The following ATM variants were observed in gnomAD, a reference collection of about 807,000 sequenced individuals.
ATM encodes the protein serine-protein kinase ATM.
ATM carries 308 observed loss-of-function variants against 387.0 expected under a neutral mutation model. The ratio of observed to expected loss-of-function variants is 0.80; its 90% confidence interval spans 0.73 to 0.87. ATM has a LOEUF of 0.87. ATM is among the 40% of genes least tolerant of loss of function. ATM has a pLI of 0.00. For missense variants in ATM, 3,312 were observed against 3,560.9 expected, an observed-to-expected ratio of 0.93 and a Z score of 1.78; for synonymous variants, 1,156 against 1,187.3, an observed-to-expected ratio of 0.97 and a Z score of 0.54.
At chr11:108,332,410 C>T (rs1315358158) in intron 52 of ATM, among the ~76,000 whole-genome samples, 2 of 152,090 alleles carry the variant, frequency 1.3e-5, no homozygotes, top group East Asian at 3.9e-4. Context: ...CCAGCCTGGG[C>T]AACAAGAGCG....
chr11:108,249,416 A>T (rs909917591), intron 9 of ATM, among the ~76,000 whole-genome samples: 3 of 152,218 alleles, frequency 2.0e-5, no homozygotes, highest in Non-Finnish European at 2.9e-5. Flanking sequence ...ACGCTTCAAC[A>T]ATAGATTTTA....
At chr11:108,305,723 T>C (rs1172166990) in intron 37 of ATM, among the ~76,000 whole-genome samples, 1 of 152,236 alleles carries the variant, frequency 6.6e-6, no homozygotes, top group Non-Finnish European at 1.5e-5. Context: ...TGGGTATTTC[T>C]CATGCCAAGA....
intron 8 of ATM, among the ~76,000 whole-genome samples, chr11:108,248,321 C>A (rs694376): frequency 0.61 from 92,839 of 151,840 alleles, 28,634 homozygotes; most frequent in Middle Eastern, 0.79. Context: ...AATTTAAAAA[C>A]TTGAATCCCT....
intron 20 of ATM, among the ~76,000 whole-genome samples, chr11:108,272,127 G>A (rs1293880025): frequency 6.6e-6 from 1 of 152,076 alleles, no homozygotes; most frequent in Non-Finnish European, 1.5e-5. Context: ...TGCCCACCTT[G>A]GCCTCCCAAA....
chr11:108,325,340 A>G lies in ATM; in HGVS notation c.6603A>G (p.Val2201=), dbSNP rs863224297. 1.2e-6 allele frequency: 2 copies of G among 1,608,672 alleles called. No homozygotes were observed. The highest frequency in any genetic ancestry group is 1.7e-6 in the Non-Finnish European group (2 of 1,178,460). Residue 2201 remains valine (V), a synonymous_variant, in exon 46 of 63, where the codon GTA becomes GTG. Coordinates refer to ENST00000675843, the MANE Select transcript of ATM (RefSeq NM_000051.4). The part of the protein sequence containing the change: ...RSVTHRQLSE[V]YIKWQKHSQL... ...TCACACATAGACAACTCTCTGAAGT[A>G]TATATTAAGTGGCAGAAACACTCCC...
chr11:108,287,220 A>G (rs574228961), intron 26 of ATM: 2 of 160,104 alleles, frequency 1.2e-5, no homozygotes, highest in Admixed American at 1.3e-4. Flanking sequence ...CAGAATTCCC[A>G]AATAAAGTCA....
chr11:108,324,973 G>C (rs1298131643), intron 45 of ATM, among the ~76,000 whole-genome samples: 1 of 152,134 alleles, frequency 6.6e-6, no homozygotes, highest in Non-Finnish European at 1.5e-5. Flanking sequence ...TAAAGATGGA[G>C]GCATTCTTTA....
chr11:108,286,308 G>A (rs1342568748), intron 26 of ATM, among the ~76,000 whole-genome samples: 4 of 68,692 alleles, frequency 5.8e-5, no homozygotes, highest in South Asian at 1.2e-3. Context: ...GCAAGATTTC[G>A]TCTCAAAAAA....
At chr11:108,246,748 A>C (rs1218348220) in intron 7 of ATM, among the ~76,000 whole-genome samples, 1 of 152,208 alleles carries the variant, frequency 6.6e-6, no homozygotes, top group African/African-American at 2.4e-5. Context: ...ATATGGAAGA[A>C]ATTTATAAGA....
At chr11:108,339,811 C>T (rs1025035313) in intron 56 of ATM, among the ~76,000 whole-genome samples, 3 of 152,098 alleles carry the variant, frequency 2.0e-5, no homozygotes, top group African/African-American at 7.2e-5. Context: ...GAGTACACTA[C>T]ACTGCAAGAA....
rs1166582977 is a variant in ATM at position 108,326,040 on chromosome 11, A to T, written c.6808-18A>T. ...CAGTAGTAAAAGTATTTATTCCCATATGTCATTTTCATTTCAGCTCCCTGA... is the reference window on the plus strand; with the variant it reads ...CAGTAGTAAAAGTATTTATTCCCATTTGTCATTTTCATTTCAGCTCCCTGA... On this transcript the variant is annotated intron_variant, in intron 46 of 62. Transcript: ENST00000675843. 1 of 1,612,484 alleles carries T rather than the reference A, an allele frequency of 6.2e-7. No individual in the cohort carries two copies. The highest frequency in any genetic ancestry group is 1.7e-5 in the Admixed American group (1 of 60,014).
At chr11:108,287,746 T>C in intron 27 of ATM, 31 bp downstream of exon 27, 2 of 1,460,180 alleles carry the variant, frequency 1.4e-6, no homozygotes, top group Non-Finnish European at 1.9e-6. Context: ...GAGAACTAGC[T>C]CTAACTTCAC....
chr11:108,306,593 T>C (rs2083705209), intron 37 of ATM, among the ~76,000 whole-genome samples: 1 of 152,250 alleles, frequency 6.6e-6, no homozygotes, highest in African/African-American at 2.4e-5. Flanking sequence ...AAAGTAACTG[T>C]TTTATTTTAT....
intron 1 of ATM, chr11:108,227,082 T>G (rs955878711): frequency 4.3e-4 from 67 of 155,616 alleles, no homozygotes; most frequent in Admixed American, 1.1e-3. Context: ...TGGCTCGATC[T>G]TGGCTCACTG....
chr11:108,254,458 G>A (rs1256514499), intron 13 of ATM, among the ~76,000 whole-genome samples: 1 of 152,134 alleles, frequency 6.6e-6, no homozygotes, highest in African/African-American at 2.4e-5. Flanking sequence ...AAATGGACTA[G>A]CAATTATTTT....
rs1555059530 is a variant in ATM at position 108,235,830 on chromosome 11, G to T, written c.492G>T (p.Trp164Cys). The T allele has an allele frequency of 1.2e-6, 2 of 1,613,762 alleles. No individual in the cohort carries two copies. The highest frequency in any genetic ancestry group is 1.7e-6 in the Non-Finnish European group (2 of 1,179,820). ...GGTGTGAAATATCTCAGCAACAGTG[G>T]TTAGGTATGTTTTGAAGGTTGTTGT... ...KYWCEISQQQ[W>C]LELFSVYFRL... is the part of the protein sequence containing the mutation. Residue 164 changes from tryptophan (W) to cysteine (C), a missense_variant, in exon 5 of 63, where the codon TGG (tryptophan) becomes TGT (cysteine). This residue lies in a region of ATM where 1,791 missense variants were observed against 1,804.5 expected (regional missense o/e 0.99). Coordinates refer to ENST00000675843, the MANE Select transcript of ATM (RefSeq NM_000051.4).
At chr11:108,294,286 A>G (rs1269691284) in intron 31 of ATM, among the ~76,000 whole-genome samples, 5 of 152,216 alleles carry the variant, frequency 3.3e-5, no homozygotes, top group Admixed American at 3.3e-4. Context: ...TATAATTTTT[A>G]AATGATAGTC....
At chr11:108,262,057 C>T (rs2080926161) in intron 16 of ATM, among the ~76,000 whole-genome samples, 1 of 152,126 alleles carries the variant, frequency 6.6e-6, no homozygotes, top group Non-Finnish European at 1.5e-5. Context: ...GGAAAACACT[C>T]TGCAGGATAT....
rs1475893377 is a variant in ATM, at chr11:108,249,099, C to G, written c.1232C>G (p.Pro411Arg). Reference sequence around the variant, plus strand: ...TCACAGAATGATTTTGATCTTGTGCCTTGGTAAAGTGTTACCATTTTCTCA... The same window carrying G: ...TCACAGAATGATTTTGATCTTGTGCGTTGGTAAAGTGTTACCATTTTCTCA... ...QKSQNDFDLV[P>R]WLQIATQLIS... Residue 411 changes from proline (P) to arginine (R), a missense_variant, in exon 9 of 63, where the codon CCT (proline) becomes CGT (arginine). Transcript: ENST00000675843. 1 of 1,613,796 alleles carries G rather than the reference C, an allele frequency of 6.2e-7. No individual in the cohort carries two copies. Among genetic ancestry groups the G allele is most frequent in the East Asian group, 2.2e-5 (1 of 44,830 alleles).
Sources: gnomAD v4.1 joint callset for allele counts (sites outside exome capture counted in the v4.1 genomes callset) on GRCh38, gnomAD v4.1.1 for gene constraint, gnomAD v4.1.1 regional missense constraint, MANE v1.5 for transcripts, NCBI Gene and HGNC (gene_info 2026-07-23, HGNC 2026-07-21) for gene names.